The following AXIN1 variants were observed in gnomAD, a reference collection of about 807,000 sequenced individuals.
The protein encoded by AXIN1 is axin 1.
Under a neutral mutation model 76.4 loss-of-function variants are expected in AXIN1, and 30 were observed. That is an observed-to-expected ratio of 0.39 (90% CI 0.29 to 0.53). The LOEUF is 0.53. Among genes scored for constraint, AXIN1 ranks in the 20% least tolerant of loss-of-function variants. The pLI, the probability that AXIN1 is intolerant of heterozygous loss-of-function variation, is 0.66. For synonymous variants in AXIN1, 545 were observed against 501.4 expected, an observed-to-expected ratio of 1.09 and a Z score of -1.16; for missense variants, 1,140 against 1,198.8, an observed-to-expected ratio of 0.95 and a Z score of 0.72.
At chr16:344,554 C>T (rs907893523) in intron 2 of AXIN1, among the ~76,000 whole-genome samples, 5 of 151,082 alleles carry the variant, frequency 3.3e-5, no homozygotes, top group African/African-American at 1.2e-4. Context: ...AATGGCACAA[C>T]CAAGGCTCAC....
intron 2 of AXIN1, among the ~76,000 whole-genome samples, chr16:332,505 G>A (rs896941614): frequency 6.6e-6 from 1 of 151,756 alleles, no homozygotes; most frequent in Admixed American, 6.6e-5. Context: ...GAACCCGGGA[G>A]GTGGAGGTTG....
chr16:311,384 G>A (rs2053174187), intron 3 of AXIN1, among the ~76,000 whole-genome samples: 1 of 152,140 alleles, frequency 6.6e-6, no homozygotes, highest in Non-Finnish European at 1.5e-5. Flanking sequence ...ACGAAAGTCA[G>A]ATTATACATG....
At chr16:331,521 T>C (rs1434816641) in intron 2 of AXIN1, among the ~76,000 whole-genome samples, 1 of 152,186 alleles carries the variant, frequency 6.6e-6, no homozygotes, top group African/African-American at 2.4e-5. Context: ...TTAATTTTTT[T>C]CTGCTTCTTT....
chr16:311,665 G>A (rs970108679), intron 3 of AXIN1, among the ~76,000 whole-genome samples: 53 of 152,238 alleles, frequency 3.5e-4, no homozygotes, highest in Admixed American at 6.5e-4. Context: ...CAGCTACTCG[G>A]GAGGCTGAGG....
chr16:293,362 G>T lies in AXIN1; in HGVS notation c.2186+126C>A. ...GGTTCTCAGTGGATGGAAGGGCCCA[G>T]TATGGCTGGGGGACACCCAGAGGGC... On this transcript the variant is annotated intron_variant, in intron 8 of 10. Transcript: ENST00000262320. The surrounding 1 kb of genome is among the most constrained non-coding windows in gnomAD (Gnocchi z 4.6). 1 of 957,266 alleles carries T rather than the reference G, an allele frequency of 1.0e-6. No individual in the cohort carries two copies. The highest frequency in any genetic ancestry group is 1.6e-5 in the African/African-American group (1 of 61,620). The allele number at this position is 957,266 out of a possible 1,614,324, so 59.3% of individuals were successfully genotyped here.
chr16:289,924 G>C, intron 9 of AXIN1: 2 of 497,908 alleles, frequency 4.0e-6, no homozygotes, highest in Non-Finnish European at 7.3e-6. Context: ...AGGCTGCAGG[G>C]CTCCTATCTC....
Position 347,006 on chromosome 16 carries a change from C to T in AXIN1, c.20G>A (p.Gly7Asp), listed in dbSNP as rs766339001. 1 of 1,614,200 alleles carries T rather than the reference C, an allele frequency of 6.2e-7. No homozygotes were observed. The highest frequency in any genetic ancestry group is 8.5e-7 in the Non-Finnish European group (1 of 1,180,042). Residue 7 changes from glycine (G) to aspartate (D), a missense_variant, in exon 2 of 11, where the codon GGT becomes GAT. By Grantham distance (94) the Gly-to-Asp change is moderately conservative. Transcript: ENST00000262320. The stretch of plus-strand genomic sequence containing the variant: ...ACTTGCTCCGAGGTCCAAGGGGAAA[C>T]CCTGCTCTTGGATATTCATTTTGGG... MNIQEQ[G>D]FPLDLGASFT...
rs566774211 is a variant in AXIN1, at chr16:302,146, G to GC, written c.1254+2157dup. Among the ~76,000 whole-genome samples, 6 of 152,366 alleles carry GC rather than the reference G, an allele frequency of 3.9e-5. No homozygotes were observed. In the South Asian group the frequency reaches 1.2e-3, roughly 32 times the overall value. ...GTGACCACCAGGTCTGCAAGGCGAG[G>GC]CCTCACTCTCACCGCCACAGGGACC... On this transcript the variant is annotated intron_variant, in intron 5 of 10. Transcript: ENST00000262320.
At position 346,876 on chromosome 16, in the gene AXIN1, A is replaced by G. The variant is rs2054044882; in HGVS notation, c.150T>C (p.Val50=). 1 of 1,613,780 alleles carries G rather than the reference A, an allele frequency of 6.2e-7. No individual in the cohort carries two copies. The highest frequency in any genetic ancestry group is 1.7e-5 in the Admixed American group (1 of 60,028). The change falls in exon 2 of 11, where the codon GTT becomes GTC. Residue 50 remains valine, a synonymous_variant. Coordinates refer to ENST00000262320, the MANE Select transcript of AXIN1 (RefSeq NM_003502.4). ...CCGTCGAAGTCTCACCTTTAATGCCAACACCTTTCCCGGAGCAGAAACTGT... is the reference window on the plus strand; with the variant it reads ...CCGTCGAAGTCTCACCTTTAATGCCGACACCTTTCCCGGAGCAGAAACTGT... ...ASYSFCSGKG[V]GIKGETSTAT...
chr16:322,038 C>T (rs2053470703), intron 2 of AXIN1, among the ~76,000 whole-genome samples: 1 of 152,226 alleles, frequency 6.6e-6, no homozygotes, highest in South Asian at 2.1e-4. Context: ...CCAATGAAAG[C>T]CCAATTCCAA....
At chr16:349,827 C>G (rs1309454429) in intron 1 of AXIN1, among the ~76,000 whole-genome samples, 1 of 152,200 alleles carries the variant, frequency 6.6e-6, no homozygotes, top group Non-Finnish European at 1.5e-5. Context: ...GAGACAGGGT[C>G]TCGCTCTGTC....
At chr16:332,628 A>G (rs1415477498) in intron 2 of AXIN1, among the ~76,000 whole-genome samples, 2 of 151,066 alleles carry the variant, frequency 1.3e-5, no homozygotes, top group Non-Finnish European at 2.9e-5. Flanking sequence ...TAACATCTCC[A>G]GAAAGATTTT....
At chr16:325,003 C>T (rs1345914176) in intron 2 of AXIN1, among the ~76,000 whole-genome samples, 1 of 152,188 alleles carries the variant, frequency 6.6e-6, no homozygotes, top group Admixed American at 6.5e-5. Flanking sequence ...GGGTGCTCAG[C>T]GGACCCGCAC....
rs186162544 is a variant in AXIN1 at position 335,587 on chromosome 16, T to C, written c.878+10561A>G. Among the ~76,000 whole-genome samples, 27 of 150,768 alleles carry C rather than the reference T, an allele frequency of 1.8e-4. No homozygotes were observed. The East Asian group carries it at 4.1e-3, about 23-fold the overall frequency. ...GCCAATAACACAGCACCCAGTACCA[T>C]GGCACCCAATAACACAACACCCAGT... On this transcript the variant is annotated intron_variant, in intron 2 of 10. Transcript: ENST00000262320.
Position 346,687 on chromosome 16 carries a change from G to C in AXIN1, c.339C>G (p.Asp113Glu), listed in dbSNP as rs2141705865. Reference protein sequence around the residue: ...RTFLKQEGCADLLDFWFACTG... With the variant: ...RTFLKQEGCAELLDFWFACTG... Reference sequence around the variant, plus strand: ...TGCAGGCAAACCAGAAGTCCAGCAAGTCGGCACAGCCCTCCTGCTTCAGGA... The same window carrying C: ...TGCAGGCAAACCAGAAGTCCAGCAACTCGGCACAGCCCTCCTGCTTCAGGA... Residue 113 changes from aspartate to glutamate, a missense_variant, in exon 2 of 11, where the codon GAC (aspartate) becomes GAG (glutamate). This residue lies in a region of AXIN1 where 708 missense variants were observed against 776.9 expected (regional missense o/e 0.91). Coordinates refer to ENST00000262320, the MANE Select transcript of AXIN1 (RefSeq NM_003502.4). The C allele has an allele frequency of 6.4e-7, 1 of 1,568,946 alleles. No homozygotes were observed. Among genetic ancestry groups the C allele is most frequent in the Non-Finnish European group, 8.6e-7 (1 of 1,158,014 alleles).
At position 319,130 on chromosome 16, in the gene AXIN1, G is replaced by GC. The variant is rs1177898936; in HGVS notation, c.879-4448_879-4447insG. On this transcript the variant is annotated intron_variant, in intron 2 of 10. Coordinates refer to ENST00000262320, the MANE Select transcript of AXIN1 (RefSeq NM_003502.4). ...GGGGACACAGAGGCTGGGAGACCCT[G>GC]TAGAGCCAGGTAGTGACAGACTCCT... Among the ~76,000 whole-genome samples, 11 of 152,324 alleles carry GC rather than the reference G, an allele frequency of 7.2e-5. No individual in the cohort carries two copies. In the East Asian group the frequency reaches 1.2e-3, roughly 16 times the overall value.
rs572615271 is a variant in AXIN1, at chr16:339,244, C to T, written c.878+6904G>A. On this transcript the variant is annotated intron_variant, in intron 2 of 10. Coordinates refer to ENST00000262320, the MANE Select transcript of AXIN1 (RefSeq NM_003502.4). The stretch of plus-strand genomic sequence containing the variant: ...AAAGGCCGGGCGTGGTGGCTCACAC[C>T]TGTAATCCCAGCACTTTGGGAGGCT... 6.7e-3 allele frequency among the ~76,000 whole-genome samples: 998 copies of T among 149,352 alleles called. 14 individuals are homozygous for T. The highest frequency in any genetic ancestry group is 0.023 in the African/African-American group (940 of 40,628).
chr16:287,948 T>G lies in AXIN1; in HGVS notation c.*174A>C, dbSNP rs751223356. On this transcript the variant is annotated 3_prime_UTR_variant, in exon 11 of 11. Transcript: ENST00000262320. ...TCCTTGGGGGCAGGACAGAAGCTTG[T>G]GGACCACTTGGAGGGACCCCCTACC... The G allele has an allele frequency of 4.7e-6, 5 of 1,053,904 alleles. No homozygotes were observed. The highest frequency in any genetic ancestry group is 7.2e-6 in the Non-Finnish European group (5 of 698,624). 65.3% of individuals were successfully genotyped at this position (1,053,904 alleles called of 1,614,324 possible). A position where few individuals can be genotyped will look rare whatever the true frequency, so the allele number is the denominator to read the frequency against.
intron 5 of AXIN1, among the ~76,000 whole-genome samples, chr16:299,848 A>G (rs961193198): frequency 8.2e-5 from 12 of 146,192 alleles, no homozygotes; most frequent in Non-Finnish European, 1.3e-4. Flanking sequence ...GTAGAGATGG[A>G]GTTTCACCGT....
Sources: gnomAD v4.1 joint callset for allele counts (sites outside exome capture counted in the v4.1 genomes callset) on GRCh38, gnomAD v4.1.1 for gene constraint, gnomAD v4.1.1 regional missense constraint, Gnocchi (gnomAD v3.1) non-coding constraint, MANE v1.5 for transcripts, NCBI Gene and HGNC (gene_info 2026-07-23, HGNC 2026-07-21) for gene names.